ERC1: variants seen among roughly 807,000 people sequenced by gnomAD.
ERC1 encodes the protein RAB6 interacting protein 2.
ERC1 carries 56 observed loss-of-function variants against 132.0 expected under a neutral mutation model. The ratio of observed to expected loss-of-function variants is 0.42; its 90% CI spans 0.34 to 0.53. ERC1 has a LOEUF of 0.53. Among genes scored for constraint, ERC1 ranks in the 20% least tolerant of loss-of-function variants. The probability of loss-of-function intolerance (pLI) is 0.03; values close to 1 mark genes in which losing one functional copy is unlikely to be tolerated. For missense variants in ERC1, 1,202 were observed against 1,349.9 expected (o/e 0.89, Z 1.72); for synonymous variants, 478 against 476.1 (o/e 1.00, Z -0.05).
At chr12:1,211,744 A>G (rs1294316574) in intron 12 of ERC1, among the ~76,000 whole-genome samples, 1 of 132,840 alleles carries the variant, frequency 7.5e-6, no homozygotes, top group Non-Finnish European at 1.6e-5. Flanking sequence ...TTTTTTTTGT[A>G]TTTTCAGTAG....
At chr12:1,095,270 A>C (rs1943868027) in intron 3 of ERC1, among the ~76,000 whole-genome samples, 2 of 152,038 alleles carry the variant, frequency 1.3e-5, no homozygotes, top group East Asian at 3.9e-4. Context: ...TCTCTACTAA[A>C]AATACAAATA....
chr12:1,349,015 A>G (rs562116199), intron 15 of ERC1, among the ~76,000 whole-genome samples: 2 of 152,280 alleles, frequency 1.3e-5, no homozygotes, highest in African/African-American at 2.4e-5. Context: ...GCTAGACTTC[A>G]TATTTTCTCC....
intron 16 of ERC1, among the ~76,000 whole-genome samples, chr12:1,378,198 T>C (rs1387065355): frequency 6.6e-6 from 1 of 152,192 alleles, no homozygotes; most frequent in African/African-American, 2.4e-5. Flanking sequence ...GTCAGATACT[T>C]TTTTAAGAAA....
At chr12:1,456,730 C>T (rs1182313794) in intron 18 of ERC1, among the ~76,000 whole-genome samples, 1 of 151,684 alleles carries the variant, frequency 6.6e-6, no homozygotes, top group African/African-American at 2.4e-5. Flanking sequence ...AGCAGAAGCT[C>T]GGATCTGAGT....
intron 8 of ERC1, among the ~76,000 whole-genome samples, chr12:1,172,353 A>T (rs1953159188): frequency 6.6e-6 from 1 of 152,174 alleles, no homozygotes; most frequent in African/African-American, 2.4e-5. Context: ...TTGTAGTCTC[A>T]GCTACTCCGG....
chr12:1,132,774 A>T (rs1219470302), intron 7 of ERC1, among the ~76,000 whole-genome samples: 1 of 152,100 alleles, frequency 6.6e-6, no homozygotes, highest in Non-Finnish European at 1.5e-5. Context: ...GGCAGTTGAG[A>T]CTTCAGGTTT....
chr12:1,235,818 GCCTATA>G (rs1227812469), intron 12 of ERC1, among the ~76,000 whole-genome samples: 1 of 152,074 alleles, frequency 6.6e-6, no homozygotes, highest in African/African-American at 2.4e-5. Flanking sequence ...CAGTTCCTAG[GCCTATA>G]CCTTAGAGAT....
intron 12 of ERC1, among the ~76,000 whole-genome samples, chr12:1,221,602 T>C (rs1331012300): frequency 6.6e-6 from 1 of 152,232 alleles, no homozygotes; most frequent in East Asian, 1.9e-4. Context: ...GTTAGGAATA[T>C]GGTTCCGTGA....
chr12:1,072,757 A>T (rs183659433), intron 2 of ERC1, among the ~76,000 whole-genome samples: 2 of 152,228 alleles, frequency 1.3e-5, no homozygotes, highest in Non-Finnish European at 2.9e-5. Flanking sequence ...CAGTGGTGCG[A>T]TCTCGGCTCA....
intron 16 of ERC1, among the ~76,000 whole-genome samples, chr12:1,382,956 G>A (rs2088863639): frequency 6.6e-6 from 1 of 152,186 alleles, no homozygotes; most frequent in African/African-American, 2.4e-5. Context: ...GGCTGGGAAT[G>A]TGGGGAAACC....
chr12:1,018,918 T>C (rs1444155877), intron 1 of ERC1, among the ~76,000 whole-genome samples: 5 of 152,176 alleles, frequency 3.3e-5, no homozygotes, highest in Admixed American at 1.3e-4. Flanking sequence ...ACTGTTGAAC[T>C]TAGTTTGGAA....
intron 14 of ERC1, among the ~76,000 whole-genome samples, chr12:1,288,822 G>A (rs2079211644): frequency 6.6e-6 from 1 of 152,026 alleles, no homozygotes; most frequent in African/African-American, 2.4e-5. Flanking sequence ...TGATGCAGTT[G>A]GCTGTTTGAT....
At chr12:1,055,415 A>G (rs1972767091) in intron 2 of ERC1, among the ~76,000 whole-genome samples, 1 of 152,050 alleles carries the variant, frequency 6.6e-6, no homozygotes, top group Non-Finnish European at 1.5e-5. Flanking sequence ...CCTGACCTCA[A>G]ATGATCTGCC....
At chr12:1,461,887 A>G (rs1435767096) in intron 18 of ERC1, among the ~76,000 whole-genome samples, 3 of 152,196 alleles carry the variant, frequency 2.0e-5, no homozygotes, top group Admixed American at 6.5e-5. Context: ...TTAAACTTCT[A>G]TTCATCAACA....
At chr12:1,266,391 CTTTTTTTTTTTTTTTTTTT>C (rs71293128) in intron 14 of ERC1, among the ~76,000 whole-genome samples, 1 of 42,994 alleles carries the variant, frequency 2.3e-5, no homozygotes, top group African/African-American at 1.1e-4. Flanking sequence ...CGTTTCCTGT[CTTTTTTTTTTTTTTTTTTT>C]TTTTTTTTTT....
At chr12:1,286,430 C>T (rs1223113697) in intron 14 of ERC1, among the ~76,000 whole-genome samples, 2 of 151,870 alleles carry the variant, frequency 1.3e-5, no homozygotes, top group Non-Finnish European at 2.9e-5. Context: ...TCTTAACTAC[C>T]TAGCAATACA....
rs1304768719 is a variant in ERC1 at position 1,028,390 on chromosome 12, A to C, written c.487A>C (p.Arg163=). 1.2e-6 allele frequency: 2 copies of C among 1,614,210 alleles called. No homozygotes were observed. Among genetic ancestry groups the C allele is most frequent in the South Asian group, 2.2e-5 (2 of 91,080 alleles). The change falls in exon 2 of 19, where the codon AGA becomes CGA. Residue 163 remains arginine (R), a synonymous_variant. Coordinates refer to ENST00000360905, the MANE Select transcript of ERC1 (RefSeq NM_178040.4). ...DLQTQLKEVL[R]ENDLLRKDVE... is the part of the protein sequence containing the mutation. ...GCAGACACAGCTGAAGGAAGTATTAAGAGAAAATGATCTCTTGCGGAAGGA... is the reference window on the plus strand; with the variant it reads ...GCAGACACAGCTGAAGGAAGTATTACGAGAAAATGATCTCTTGCGGAAGGA...
chr12:1,315,486 G>A (rs1038775951), intron 15 of ERC1, among the ~76,000 whole-genome samples: 2 of 151,878 alleles, frequency 1.3e-5, no homozygotes, highest in Admixed American at 6.6e-5. Flanking sequence ...AAGTATCTGG[G>A]ATTACAGGTG....
In ERC1 at chr12:1,189,923, A is replaced by G. The variant is rs150864949; in HGVS notation, c.2222A>G (p.Glu741Gly). The change falls in exon 12 of 19, where the codon GAG (glutamate) becomes GGG (glycine). Residue 741 changes from glutamate (E) to glycine (G), a missense_variant. Transcript: ENST00000360905. The stretch of plus-strand genomic sequence containing the variant: ...ATGAGTGACCGAATACAGCACTTGG[A>G]GAGAGAGATCACCAGGTACAAAGAT... ...PEMSDRIQHLEREITRYKDES... is the reference protein window; with the variant it reads ...PEMSDRIQHLGREITRYKDES... The G allele has an allele frequency of 2.4e-5, 38 of 1,613,856 alleles. No individual in the cohort carries two copies. Among genetic ancestry groups the G allele is most frequent in the Non-Finnish European group, 3.1e-5 (37 of 1,179,868 alleles).
Sources: gnomAD v4.1 joint callset for allele counts (sites outside exome capture counted in the v4.1 genomes callset) on GRCh38, gnomAD v4.1.1 for gene constraint, MANE v1.5 for transcripts, NCBI Gene and HGNC (gene_info 2026-07-23, HGNC 2026-07-21) for gene names.